Variants in PRXL2A observed in about 807,000 individuals in gnomAD.
PRXL2A encodes peroxiredoxin like 2A.
Under a neutral mutation model 25.6 loss-of-function variants are expected in PRXL2A, and 26 were observed. The ratio of observed to expected loss-of-function variants is 1.02; its 90% confidence interval spans 0.74 to 1.41. The LOEUF (loss-of-function observed/expected upper bound fraction) is 1.41. PRXL2A is among the 40% of genes most tolerant of loss of function. The pLI, the probability that PRXL2A is intolerant of heterozygous loss-of-function variation, is 0.00. For missense variants in PRXL2A, 246 were observed against 273.9 expected (o/e 0.90, Z 0.72); for synonymous variants, 98 against 102.9 (o/e 0.95, Z 0.29).
intron 1 of PRXL2A, 83 bp from the exon 2 acceptor site, chr10:80,420,383 C>G: frequency 2.7e-6 from 4 of 1,502,820 alleles, no homozygotes. Flanking sequence ...GGTTGGCTGT[C>G]CTGCCAGAGC....
intron 1 of PRXL2A, chr10:80,413,912 G>A (rs1844560381): frequency 2.5e-6 from 3 of 1,209,964 alleles, no homozygotes; most frequent in Non-Finnish European, 2.1e-6. Context: ...AGCGTCTGAG[G>A]TTGGGGGTAA....
intron 5 of PRXL2A, 94 bp downstream of exon 5, chr10:80,427,590 G>A (rs1845093993): frequency 2.2e-6 from 3 of 1,343,758 alleles, no homozygotes; most frequent in Admixed American, 4.1e-5. Flanking sequence ...GACTTTCCCT[G>A]TTTTGGGTCT....
In PRXL2A at chr10:80,425,986, G is replaced by T. The variant is rs1484916193; in HGVS notation, c.391G>T (p.Glu131Ter). 3.1e-6 allele frequency: 5 copies of T among 1,614,248 alleles called. No individual in the cohort carries two copies. Among genetic ancestry groups the T allele is most frequent in the Non-Finnish European group, 4.2e-6 (5 of 1,180,044 alleles). ...GGATTTCCAGCCTTATTTCAAAGGA[G>T]AAATCTTCCTGGATGAAAAGGTGTG... The part of the protein sequence containing the change: ...VKDFQPYFKG[E>*]IFLDEKKKFY... The change falls in exon 4 of 6, where the codon GAA becomes TAA. Residue 131 changes from glutamate to a stop codon, truncating the protein, a stop_gained. Coordinates refer to ENST00000606162, the MANE Select transcript of PRXL2A (RefSeq NM_032333.5). LOFTEE classifies it high-confidence loss of function.
intron 1 of PRXL2A, among the ~76,000 whole-genome samples, chr10:80,419,456 G>A (rs561746661): frequency 9.9e-5 from 15 of 151,050 alleles, no homozygotes; most frequent in South Asian, 6.3e-4. Context: ...TTACAGGCAC[G>A]CACCACCACG....
intron 1 of PRXL2A, among the ~76,000 whole-genome samples, chr10:80,410,143 G>A (rs1844429283): frequency 6.6e-6 from 1 of 152,242 alleles, no homozygotes; most frequent in South Asian, 2.1e-4. Context: ...CTAAGCAATA[G>A]GGCAGCTGTC....
chr10:80,415,966 G>A (rs1165391752), intron 1 of PRXL2A, among the ~76,000 whole-genome samples: 2 of 152,166 alleles, frequency 1.3e-5, no homozygotes, highest in African/African-American at 2.4e-5. Flanking sequence ...GTATACTGAC[G>A]CAGAAATGCC....
chr10:80,412,154 T>TGG (rs1402907976), intron 1 of PRXL2A, among the ~76,000 whole-genome samples: 1 of 152,144 alleles, frequency 6.6e-6, no homozygotes, highest in Non-Finnish European at 1.5e-5. Flanking sequence ...TCTTTGGATG[T>TGG]CAGAGCTAAG....
intron 1 of PRXL2A, among the ~76,000 whole-genome samples, chr10:80,417,844 A>C (rs1430303565): frequency 1.3e-5 from 2 of 151,044 alleles, no homozygotes; most frequent in Non-Finnish European, 2.9e-5. Context: ...CAGCCTCCCA[A>C]ATAGCTGAGA....
chr10:80,411,497 G>T (rs1239808842), intron 1 of PRXL2A, among the ~76,000 whole-genome samples: 1 of 152,234 alleles, frequency 6.6e-6, no homozygotes, highest in African/African-American at 2.4e-5. Flanking sequence ...TGGCTGCCCA[G>T]GACCTAGCGT....
intron 3 of PRXL2A, among the ~76,000 whole-genome samples, chr10:80,425,584 G>A (rs966923927): frequency 1.3e-5 from 2 of 152,212 alleles, no homozygotes; most frequent in Non-Finnish European, 2.9e-5. Flanking sequence ...GGAAGGTTAT[G>A]GCTAGAGGAG....
intron 1 of PRXL2A, among the ~76,000 whole-genome samples, chr10:80,412,927 G>T (rs775546137): frequency 1.3e-5 from 2 of 152,064 alleles, no homozygotes; most frequent in Non-Finnish European, 2.9e-5. Context: ...AACTATAGAG[G>T]ACCAGACTAG....
At chr10:80,426,914 T>C (rs533293168) in intron 4 of PRXL2A, among the ~76,000 whole-genome samples, 96 of 151,814 alleles carry the variant, frequency 6.3e-4, no homozygotes, top group Non-Finnish European at 1.6e-4. Context: ...GAGGCCGAGG[T>C]GGGCAGATCA....
At position 80,431,972 on chromosome 10, in the gene PRXL2A, T is replaced by C. The variant is rs1845277154; in HGVS notation, c.577-14T>C. 1 of 1,575,518 alleles carries C rather than the reference T, an allele frequency of 6.3e-7. No individual in the cohort carries two copies. On this transcript the variant is annotated splice_polypyrimidine_tract_variant and intron_variant, in intron 5 of 5. Coordinates refer to ENST00000606162, the MANE Select transcript of PRXL2A (RefSeq NM_032333.5). ...TTAGGATGAGGACTGACATTATCTC[T>C]TGTTTCCTTTTAGGGCATTCTTCTT...
chr10:80,432,369 A>AGT lies in PRXL2A; in HGVS notation c.*272_*273dup. 2.9e-6 allele frequency: 1 copy of AGT among 350,494 alleles called. No individual in the cohort carries two copies. The highest frequency in any genetic ancestry group is 4.0e-5 in the South Asian group (1 of 25,286). 21.7% of individuals were successfully genotyped at this position (350,494 alleles called of 1,614,324 possible). A position where few individuals can be genotyped will look rare whatever the true frequency, so the allele number is the denominator to read the frequency against. On this transcript the variant is annotated 3_prime_UTR_variant, in exon 6 of 6. Transcript: ENST00000606162. ...TAAAATTGACTGCCAGGCTGGGTGC[A>AGT]GTGGCTCACACCTGTAATCCCAGCA...
intron 1 of PRXL2A, among the ~76,000 whole-genome samples, chr10:80,418,977 C>CTTTCT (rs904919545): frequency 6.6e-6 from 1 of 151,948 alleles, no homozygotes; most frequent in Non-Finnish European, 1.5e-5. Context: ...AGGACCTCCT[C>CTTTCT]TTTCTTTTCT....
chr10:80,414,402 G>C (rs1844579278), intron 1 of PRXL2A, among the ~76,000 whole-genome samples: 1 of 152,166 alleles, frequency 6.6e-6, no homozygotes, highest in Non-Finnish European at 1.5e-5. Context: ...GGGATAGAAA[G>C]GGGGAGGAAA....
At position 80,433,248 on chromosome 10, in the gene PRXL2A, CT is replaced by C. The variant is rs1306536470; in HGVS notation, c.*1153del. The C allele has an allele frequency of 1.6e-4, 25 of 152,198 alleles. No homozygotes were observed. The highest frequency in any genetic ancestry group is 6.0e-4 in the African/African-American group (25 of 41,442). The allele number at this position is 152,198 out of a possible 1,614,324, so 9.4% of individuals were successfully genotyped here. Reference sequence around the variant, plus strand: ...AATTGGTAGCTGTTTTTCTATTGGTCTTTTAGCCTAATTTGGCAAATCAGAA... The same window carrying C: ...AATTGGTAGCTGTTTTTCTATTGGTCTTTAGCCTAATTTGGCAAATCAGAA... On this transcript the variant is annotated 3_prime_UTR_variant, in exon 6 of 6. Transcript: ENST00000606162.
In PRXL2A at chr10:80,432,993, A is replaced by T. The variant is rs1845320243; in HGVS notation, c.*894A>T. On this transcript the variant is annotated 3_prime_UTR_variant, in exon 6 of 6. Coordinates refer to ENST00000606162, the MANE Select transcript of PRXL2A (RefSeq NM_032333.5). Reference sequence around the variant, plus strand: ...GGCTTTAATAAAATTATGCATCAGAAATCACCTGTATGTATAAGATTTTCT... The same window carrying T: ...GGCTTTAATAAAATTATGCATCAGATATCACCTGTATGTATAAGATTTTCT... The T allele has an allele frequency of 6.6e-6, 1 of 152,230 alleles. No homozygotes were observed. The highest frequency in any genetic ancestry group is 2.4e-5 in the African/African-American group (1 of 41,462). 9.4% of individuals were successfully genotyped at this position (152,230 alleles called of 1,614,324 possible). A position where few individuals can be genotyped will look rare whatever the true frequency, so the allele number is the denominator to read the frequency against.
Position 80,421,335 on chromosome 10 carries a change from C to G in PRXL2A, c.178+690C>G, listed in dbSNP as rs114382232. ...CAAATGTGTTAGCTCTGCCTCCTTG[C>G]TGTGTGCTCTCAGTGTTAGAGCTGT... On this transcript the variant is annotated intron_variant, in intron 2 of 5. Coordinates refer to ENST00000606162, the MANE Select transcript of PRXL2A (RefSeq NM_032333.5). 1.6e-3 allele frequency among the ~76,000 whole-genome samples: 245 copies of G among 152,294 alleles called. No homozygotes were observed. The Middle Eastern group carries it at 0.024, about 15-fold the overall frequency.
Sources: gnomAD v4.1 joint callset for allele counts (sites outside exome capture counted in the v4.1 genomes callset) on GRCh38, gnomAD v4.1.1 for gene constraint, MANE v1.5 for transcripts, NCBI Gene and HGNC (gene_info 2026-07-23, HGNC 2026-07-21) for gene names.